The following CYB561 variants were observed in gnomAD, a reference collection of about 807,000 sequenced individuals.
CYB561 encodes the protein cytochrome b561, also known as transmembrane ascorbate-dependent reductase CYB561.
In CYB561, 11 loss-of-function variants were observed where a neutral mutation model predicts 25.3. The observed-to-expected ratio is 0.44, with a 90% CI of 0.27 to 0.72. The LOEUF (loss-of-function observed/expected upper bound fraction) is 0.72. Among genes scored for constraint, CYB561 ranks in the 30% least tolerant of loss-of-function variants. CYB561 has a pLI of 0.18. For synonymous variants in CYB561, 165 were observed against 158.8 expected (o/e 1.04, Z -0.29); for missense variants, 295 against 334.9 (o/e 0.88, Z 0.93).
chr17:63,444,732 G>GA (rs2049407309), intron 1 of CYB561, among the ~76,000 whole-genome samples: 1 of 152,204 alleles, frequency 6.6e-6, no homozygotes, highest in Non-Finnish European at 1.5e-5. Context: ...TGTTCAGACA[G>GA]TAGAGTGCTT....
At position 63,436,830 on chromosome 17, in the gene CYB561, G is replaced by A. The variant is rs2049306007; in HGVS notation, c.202+516C>T. ...ATGGCTGTCACCAGGACCACCTCTA[G>A]GAAGAGCGGGTCAACCGGATGCAGA... is the stretch of plus-strand genomic sequence containing the variant. On this transcript the variant is annotated intron_variant, in intron 2 of 5. Coordinates refer to ENST00000360793, the MANE Select transcript of CYB561 (RefSeq NM_001915.4). This position sits in a 1 kb window ranked among gnomAD's most constrained non-coding sequence, Gnocchi z 4.8. 5.9e-6 allele frequency: 1 copy of A among 168,754 alleles called. No homozygotes were observed. Among genetic ancestry groups the A allele is most frequent in the African/African-American group, 2.4e-5 (1 of 41,816 alleles). The allele number at this position is 168,754 out of a possible 1,614,324, so 10.5% of individuals were successfully genotyped here.
intron 1 of CYB561, chr17:63,438,251 G>A (rs923860418): frequency 6.5e-7 from 1 of 1,533,392 alleles, no homozygotes; most frequent in Admixed American, 2.0e-5. Flanking sequence ...TTCCCTGGGT[G>A]GGCTTTACAG....
rs538319537 is a variant in CYB561 at position 63,445,186 on chromosome 17, AGAAG to A, written c.-14+1055_-14+1058del. Among the ~76,000 whole-genome samples, 214 of 152,168 alleles carry A rather than the reference AGAAG, an allele frequency of 1.4e-3. 2 individuals are homozygous for A. The highest frequency in any genetic ancestry group is 4.8e-3 in the African/African-American group (201 of 41,528). Reference sequence around the variant, plus strand: ...AGCAAGACTCCATCTCAAAAAAAAAAGAAGGAAGGAAAGTAAGGAAAGCAAGAAA... The same window carrying A: ...AGCAAGACTCCATCTCAAAAAAAAAAGAAGGAAAGTAAGGAAAGCAAGAAA... On this transcript the variant is annotated intron_variant, in intron 1 of 5. Coordinates refer to ENST00000360793, the MANE Select transcript of CYB561 (RefSeq NM_001915.4).
In CYB561 at chr17:63,435,744, G is replaced by A. The variant is rs2049291011; in HGVS notation, c.349C>T (p.Leu117=). ...CCGCACCAGCTGTGTAGGCTGTACA[G>A]GTCAGCGTAGCCCTTCTTCCTGTGG... is the stretch of plus-strand genomic sequence containing the variant. ...DYHRKKGYAD[L]YSLHSWCGIL... The change falls in exon 4 of 6, where the codon CTG becomes TTG. Residue 117 remains leucine (L), a synonymous_variant. Transcript: ENST00000360793. 3.1e-6 allele frequency: 5 copies of A among 1,614,248 alleles called. No individual in the cohort carries two copies.
intron 1 of CYB561, 65 bp downstream of exon 1, chr17:63,446,180 C>T (rs920536685): frequency 2.0e-5 from 3 of 152,154 alleles, no homozygotes; most frequent in African/African-American, 7.2e-5. Flanking sequence ...AGTCAGGGCT[C>T]ACCTGGGCCG....
Position 63,435,142 on chromosome 17 carries a change from G to A in CYB561, c.507C>T (p.Leu169=). Residue 169 remains leucine (L), a synonymous_variant, in exon 5 of 6, where the codon CTC becomes CTT. Coordinates refer to ENST00000360793, the MANE Select transcript of CYB561 (RefSeq NM_001915.4). ...CCAGCAGGGCGGTGCCCACGGAAAG[G>A]AGGAAGATGGTAGCACCAAAGAAGA... ...QHIFFGATIF[L]LSVGTALLGL... The A allele has an allele frequency of 6.2e-7, 1 of 1,614,236 alleles. No homozygotes were observed. Among genetic ancestry groups the A allele is most frequent in the Non-Finnish European group, 8.5e-7 (1 of 1,180,050 alleles).
Position 63,436,085 on chromosome 17 carries a change from C to CAGCA in CYB561, c.266_269dup (p.His91AlafsTer27). Reference sequence around the variant, plus strand: ...GGGCGATGACGAGCGCAAAGATGTGCAGCAGCCCGTGCAGGACCTTGGTGG... The same window carrying CAGCA: ...GGGCGATGACGAGCGCAAAGATGTGCAGCAAGCAGCCCGTGCAGGACCTTGGTGG... On this transcript the variant is annotated frameshift_variant, in exon 3 of 6. Coordinates refer to ENST00000360793, the MANE Select transcript of CYB561 (RefSeq NM_001915.4). LOFTEE classifies it high-confidence loss of function. The surrounding 1 kb of genome is among the most constrained non-coding windows in gnomAD (Gnocchi z 4.8). The CAGCA allele has an allele frequency of 1.2e-6, 2 of 1,614,214 alleles. No homozygotes were observed. The highest frequency in any genetic ancestry group is 1.7e-6 in the Non-Finnish European group (2 of 1,180,022).
At chr17:63,445,366 A>G (rs1373879932) in intron 1 of CYB561, among the ~76,000 whole-genome samples, 1 of 142,206 alleles carries the variant, frequency 7.0e-6, no homozygotes, top group Non-Finnish European at 1.5e-5. Context: ...AGGCACCTAG[A>G]GGAGGTGGCA....
At chr17:63,435,879 T>G in intron 3 of CYB561, 88 bp from the exon 4 acceptor site, 12 of 1,579,574 alleles carry the variant, frequency 7.6e-6, no homozygotes, top group Non-Finnish European at 1.0e-5. Flanking sequence ...TAGCGGGACT[T>G]CTGGGCTTTA....
chr17:63,444,724 T>C (rs141023404), intron 1 of CYB561, among the ~76,000 whole-genome samples: 1 of 152,356 alleles, frequency 6.6e-6, no homozygotes, highest in African/African-American at 2.4e-5. Context: ...TTATGAATTG[T>C]TCAGACAGTA....
rs1386530347 is a variant in CYB561 at position 63,436,007 on chromosome 17, C to A, written c.301+47G>T. On this transcript the variant is annotated intron_variant, in intron 3 of 5. Coordinates refer to ENST00000360793, the MANE Select transcript of CYB561 (RefSeq NM_001915.4). This position sits in a 1 kb window ranked among gnomAD's most constrained non-coding sequence, Gnocchi z 4.8. ...CAGGTGAAGCGGCTGTTTGCCATAC[C>A]TGAAGAGGCAGGCAGGTGGCGGGGA... 3 of 1,613,422 alleles carry A rather than the reference C, an allele frequency of 1.9e-6. No homozygotes were observed. The South Asian group carries it at 3.3e-5, about 18-fold the overall frequency.
chr17:63,434,981 G>T, intron 5 of CYB561, 105 bp downstream of exon 5: 1 of 1,247,610 alleles, frequency 8.0e-7, no homozygotes, highest in Non-Finnish European at 1.1e-6. Flanking sequence ...CAGTTGTGAC[G>T]CCACGAGAGG....
chr17:63,436,255 C>T lies in CYB561; in HGVS notation c.203-103G>A, dbSNP rs182455329. The stretch of plus-strand genomic sequence containing the variant: ...TTGGTGGAGAGGTGATGTGAGCTGA[C>T]GGCTTGTAACAGGAGCCTAGCTGCA... On this transcript the variant is annotated intron_variant, in intron 2 of 5. Coordinates refer to ENST00000360793, the MANE Select transcript of CYB561 (RefSeq NM_001915.4). This position sits in a 1 kb window ranked among gnomAD's most constrained non-coding sequence, Gnocchi z 4.8. The T allele has an allele frequency of 8.6e-5, 119 of 1,390,716 alleles. No individual in the cohort carries two copies. The highest frequency in any genetic ancestry group is 4.8e-4 in the Admixed American group (22 of 45,626). 86.1% of individuals were successfully genotyped at this position (1,390,716 alleles called of 1,614,324 possible). A position where few individuals can be genotyped will look rare whatever the true frequency, so the allele number is the denominator to read the frequency against.
At chr17:63,439,307 G>A (rs546888251) in intron 1 of CYB561, 13 of 152,130 alleles carry the variant, frequency 8.5e-5, no homozygotes, top group Admixed American at 6.5e-5. Flanking sequence ...AGGCCAAGGC[G>A]AGTGGATCAC....
chr17:63,434,449 T>G lies in CYB561; in HGVS notation c.709A>C (p.Met237Leu). 7 of 1,600,710 alleles carry G rather than the reference T, an allele frequency of 4.4e-6. No individual in the cohort carries two copies. The highest frequency in any genetic ancestry group is 5.1e-6 in the Non-Finnish European group (6 of 1,173,824). ...PSQAEEQALS[M>L]DFKTLTEGDS... ...CCCTCCGTCAGCGTCTTGAAGTCCA[T>G]GGAGAGGGCCTGCTCTTCCGCCTGG... Residue 237 changes from methionine to leucine, a missense_variant, in exon 6 of 6, where the codon ATG becomes CTG. By Grantham distance (15) the Met-to-Leu change is conservative. Coordinates refer to ENST00000360793, the MANE Select transcript of CYB561 (RefSeq NM_001915.4).
intron 1 of CYB561, among the ~76,000 whole-genome samples, chr17:63,441,046 C>T (rs913044179): frequency 7.2e-5 from 11 of 152,202 alleles, no homozygotes; most frequent in Admixed American, 1.3e-4. Flanking sequence ...GCCCGCAGAG[C>T]GAGGGGCCGC....
At chr17:63,441,136 G>A (rs1272175431) in intron 1 of CYB561, among the ~76,000 whole-genome samples, 3 of 152,226 alleles carry the variant, frequency 2.0e-5, no homozygotes, top group Admixed American at 6.5e-5. Flanking sequence ...AGCGACGACT[G>A]CCTGCGGCTT....
intron 4 of CYB561, 175 bp from the exon 5 acceptor site, chr17:63,435,418 G>A (rs113001504): frequency 1.4e-6 from 1 of 715,760 alleles, no homozygotes; most frequent in Non-Finnish European, 2.3e-6. Flanking sequence ...AGGGACAAGG[G>A]ACCGGTCCCC....
At position 63,432,611 on chromosome 17, in the gene CYB561, T is replaced by C. The variant is rs1450913277; in HGVS notation, c.*1791A>G. 6.6e-6 allele frequency: 1 copy of C among 152,260 alleles called. No individual in the cohort carries two copies. Among genetic ancestry groups the C allele is most frequent in the African/African-American group, 2.4e-5 (1 of 41,452 alleles). The allele number at this position is 152,260 out of a possible 1,614,324, so 9.4% of individuals were successfully genotyped here. Reference sequence around the variant, plus strand: ...CACTATACAAGTGTGTGCCAGCTGATTGAAGAACTGACGGCACCCCTACCC... The same window carrying C: ...CACTATACAAGTGTGTGCCAGCTGACTGAAGAACTGACGGCACCCCTACCC... On this transcript the variant is annotated 3_prime_UTR_variant, in exon 6 of 6. Coordinates refer to ENST00000360793, the MANE Select transcript of CYB561 (RefSeq NM_001915.4).
Sources: gnomAD v4.1 joint callset for allele counts (sites outside exome capture counted in the v4.1 genomes callset) on GRCh38, gnomAD v4.1.1 for gene constraint, Gnocchi (gnomAD v3.1) non-coding constraint, MANE v1.5 for transcripts, NCBI Gene and HGNC (gene_info 2026-07-23, HGNC 2026-07-21) for gene names.